NSG2: variants seen among roughly 807,000 people sequenced by gnomAD.
NSG2 encodes the protein neuronal vesicle trafficking associated 2.
A neutral mutation model predicts 16.9 loss-of-function variants in NSG2; 4 were observed. The observed-to-expected ratio is 0.24, with a 90% CI of 0.12 to 0.54. The LOEUF (loss-of-function observed/expected upper bound fraction) is 0.54. Among genes scored for constraint, NSG2 ranks in the 20% least tolerant of loss-of-function variants. The pLI is 0.95. For synonymous variants in NSG2, 98 were observed against 88.7 expected, an observed-to-expected ratio of 1.11 and a Z score of -0.59; for missense variants, 179 against 221.1, an observed-to-expected ratio of 0.81 and a Z score of 1.21.
At chr5:174,047,258 T>A (rs1759815607) in intron 2 of NSG2, among the ~76,000 whole-genome samples, 1 of 152,232 alleles carries the variant, frequency 6.6e-6, no homozygotes, top group Non-Finnish European at 1.5e-5. Flanking sequence ...AGGATTGGAT[T>A]CACTCAAACA....
chr5:174,107,592 A>G lies in NSG2; in HGVS notation c.*87A>G, dbSNP rs759962712. On this transcript the variant is annotated 3_prime_UTR_variant, in exon 5 of 5. Coordinates refer to ENST00000303177, the MANE Select transcript of NSG2 (RefSeq NM_015980.5). The surrounding 1 kb of genome is among the most constrained non-coding windows in gnomAD (Gnocchi z 4.5). ...AGCTCCAGTTACAAGACAACACTGT[A>G]CTCCTGGGATATGGGGGCGGGGGCG... The G allele has an allele frequency of 2.8e-5, 22 of 786,124 alleles. No individual in the cohort carries two copies. The highest frequency in any genetic ancestry group is 4.0e-5 in the Non-Finnish European group (21 of 529,066). 48.7% of individuals were successfully genotyped at this position (786,124 alleles called of 1,614,324 possible).
chr5:174,096,293 G>A (rs1402504861), intron 3 of NSG2, among the ~76,000 whole-genome samples: 3 of 152,302 alleles, frequency 2.0e-5, no homozygotes, highest in Admixed American at 6.5e-5. Context: ...CAGCGTAGCG[G>A]CTCAACATTG....
intron 3 of NSG2, among the ~76,000 whole-genome samples, chr5:174,070,988 A>C (rs1352599009): frequency 6.6e-6 from 1 of 152,186 alleles, no homozygotes; most frequent in Admixed American, 6.5e-5. Context: ...GCATTCAGAG[A>C]ATCTGCCTCA....
At chr5:174,049,496 C>T (rs931330622) in intron 2 of NSG2, among the ~76,000 whole-genome samples, 1 of 152,242 alleles carries the variant, frequency 6.6e-6, no homozygotes, top group African/African-American at 2.4e-5. Flanking sequence ...TTTCTTTCTT[C>T]TTCTCAGGAA....
intron 3 of NSG2, among the ~76,000 whole-genome samples, chr5:174,097,215 T>A (rs1433539652): frequency 1.3e-5 from 2 of 152,092 alleles, no homozygotes; most frequent in Non-Finnish European, 2.9e-5. Context: ...ATTCTTCCTC[T>A]CTTCTGTCTT....
intron 3 of NSG2, among the ~76,000 whole-genome samples, chr5:174,098,978 G>A (rs541033672): frequency 1.3e-5 from 2 of 152,190 alleles, no homozygotes; most frequent in Non-Finnish European, 2.9e-5. Flanking sequence ...TATATAAACC[G>A]AGTCAATAAA....
intron 3 of NSG2, among the ~76,000 whole-genome samples, chr5:174,100,279 G>A (rs985171387): frequency 3.3e-5 from 5 of 152,260 alleles, no homozygotes; most frequent in Non-Finnish European, 7.3e-5. Flanking sequence ...GGGGAACCAC[G>A]TGGGGGCTTC....
intron 3 of NSG2, among the ~76,000 whole-genome samples, chr5:174,078,837 A>G (rs1206523999): frequency 6.6e-6 from 1 of 152,182 alleles, no homozygotes; most frequent in African/African-American, 2.4e-5. Flanking sequence ...TGGTGCCTTC[A>G]TCTTAGGTCT....
At chr5:174,106,181 G>A (rs1455994174) in intron 4 of NSG2, among the ~76,000 whole-genome samples, 1 of 152,124 alleles carries the variant, frequency 6.6e-6, no homozygotes, top group African/African-American at 2.4e-5. Context: ...AATAAAAATG[G>A]TTCATCAGGA....
chr5:174,079,064 TAATA>T (rs746577286), intron 3 of NSG2, among the ~76,000 whole-genome samples: 20 of 152,234 alleles, frequency 1.3e-4, no homozygotes, highest in African/African-American at 2.9e-4. Context: ...CCCTTTTAAT[TAATA>T]AATTTTGCCA....
At chr5:174,089,507 G>A (rs1356550097) in intron 3 of NSG2, among the ~76,000 whole-genome samples, 1 of 152,104 alleles carries the variant, frequency 6.6e-6, no homozygotes, top group Non-Finnish European at 1.5e-5. Context: ...TACTCTTCCT[G>A]CACAGAGGAG....
intron 4 of NSG2, among the ~76,000 whole-genome samples, chr5:174,106,397 G>T (rs945385786): frequency 6.6e-6 from 1 of 151,934 alleles, no homozygotes; most frequent in Admixed American, 6.6e-5. Flanking sequence ...CAGCATGTTC[G>T]CCTCACACCT....
At chr5:174,050,035 C>G (rs377396187) in intron 2 of NSG2, among the ~76,000 whole-genome samples, 5 of 152,234 alleles carry the variant, frequency 3.3e-5, no homozygotes, top group African/African-American at 1.2e-4. Context: ...TCTTAAGTTG[C>G]CTCAGCATCA....
Position 174,050,672 on chromosome 5 carries a change from C to T in NSG2, c.129+3788C>T, listed in dbSNP as rs530686172. On this transcript the variant is annotated intron_variant, in intron 2 of 4. Coordinates refer to ENST00000303177, the MANE Select transcript of NSG2 (RefSeq NM_015980.5). ...TTCCTCAAACTCTAGGCTTCCTCATCCATGGCTGCCCCTTGAGCCCTCCCC... is the reference window on the plus strand; with the variant it reads ...TTCCTCAAACTCTAGGCTTCCTCATTCATGGCTGCCCCTTGAGCCCTCCCC... 2.6e-5 allele frequency among the ~76,000 whole-genome samples: 4 copies of T among 152,226 alleles called. No homozygotes were observed. The South Asian group carries it at 8.3e-4, about 32-fold the overall frequency.
At chr5:174,071,730 G>A (rs961309457) in intron 3 of NSG2, among the ~76,000 whole-genome samples, 10 of 152,186 alleles carry the variant, frequency 6.6e-5, no homozygotes, top group African/African-American at 2.2e-4. Context: ...TACCCCACTT[G>A]CATATGAGGA....
Position 174,065,555 on chromosome 5 carries a change from A to G in NSG2, c.213+1240A>G, listed in dbSNP as rs28404125. 2.1e-3 allele frequency among the ~76,000 whole-genome samples: 324 copies of G among 152,300 alleles called. 2 individuals carry two copies. The highest frequency in any genetic ancestry group is 7.7e-3 in the African/African-American group (318 of 41,566). On this transcript the variant is annotated intron_variant, in intron 3 of 4. Coordinates refer to ENST00000303177, the MANE Select transcript of NSG2 (RefSeq NM_015980.5). ...TTAGAAAAAGTATGCTGGCTTTTAC[A>G]TGGCTAATGGAGTGTGGTGGATGAA... is the stretch of plus-strand genomic sequence containing the variant.
At chr5:174,062,340 G>T (rs558280418) in intron 2 of NSG2, among the ~76,000 whole-genome samples, 1 of 152,166 alleles carries the variant, frequency 6.6e-6, no homozygotes, top group Admixed American at 6.5e-5. Context: ...GTAGAATTAA[G>T]TGAGGTAAGG....
rs377095378 is a variant in NSG2, at chr5:174,048,145, T to C, written c.129+1261T>C. On this transcript the variant is annotated intron_variant, in intron 2 of 4. Coordinates refer to ENST00000303177, the MANE Select transcript of NSG2 (RefSeq NM_015980.5). ...AAGGAACTGGTAAAGCCTTTAAAGA[T>C]AAATTCTGAACAGGCAACTAACACT... 5.0e-4 allele frequency among the ~76,000 whole-genome samples: 76 copies of C among 152,328 alleles called. 2 individuals carry two copies. The South Asian group carries it at 0.015, about 30-fold the overall frequency.
chr5:174,070,698 C>G (rs2113443197), intron 3 of NSG2, among the ~76,000 whole-genome samples: 1 of 152,338 alleles, frequency 6.6e-6, no homozygotes, highest in South Asian at 2.1e-4. Context: ...GAGTCAGCAA[C>G]TCTGGGACCC....
Sources: gnomAD v4.1 joint callset for allele counts (sites outside exome capture counted in the v4.1 genomes callset) on GRCh38, gnomAD v4.1.1 for gene constraint, Gnocchi (gnomAD v3.1) non-coding constraint, MANE v1.5 for transcripts, NCBI Gene and HGNC (gene_info 2026-07-23, HGNC 2026-07-21) for gene names.